Variants in SLC35D1 observed in about 807,000 individuals in gnomAD.
SLC35D1 encodes the protein solute carrier family 35 member D1, also known as nucleotide sugar transporter SLC35D1.
A neutral mutation model predicts 46.7 loss-of-function variants in SLC35D1; 31 were observed. The observed-to-expected ratio is 0.66, with a 90% CI of 0.50 to 0.90. The LOEUF is 0.90. SLC35D1 is among the 40% of genes least tolerant of loss of function. The probability of loss-of-function intolerance (pLI) is 0.00; values close to 1 mark genes in which losing one functional copy is unlikely to be tolerated. For missense variants in SLC35D1, 397 were observed against 426.2 expected, an observed-to-expected ratio of 0.93 and a Z score of 0.60; for synonymous variants, 195 against 164.6, an observed-to-expected ratio of 1.18 and a Z score of -1.41.
chr1:66,974,738 C>G, the SLC35D1 span, among the ~76,000 whole-genome samples: 14 of 152,052 alleles, frequency 9.2e-5, no homozygotes, highest in Non-Finnish European at 1.9e-4. Flanking sequence ...CTAAATTACT[C>G]TAGTGCACAA....
intron 4 of SLC35D1, 24 bp from the exon 5 acceptor site, chr1:67,050,528 G>A (rs1645297816): frequency 6.3e-7 from 1 of 1,580,100 alleles, no homozygotes; most frequent in East Asian, 2.2e-5. Context: ...AGATAATTAG[G>A]TAAAATAGAA....
intron 7 of SLC35D1, among the ~76,000 whole-genome samples, chr1:67,044,880 A>G (rs1645234910): frequency 6.6e-6 from 1 of 152,174 alleles, no homozygotes; most frequent in South Asian, 2.1e-4. Context: ...CTCTACTTCT[A>G]AAAACAAAAG....
chr1:67,021,483 C>G (rs2102280987), intron 9 of SLC35D1, 52 bp downstream of exon 9: 1 of 1,585,304 alleles, frequency 6.3e-7, no homozygotes, highest in South Asian at 1.1e-5. Flanking sequence ...GCAAATTTCT[C>G]TAACCTATTT....
chr1:67,052,159 G>A (rs774172587), intron 3 of SLC35D1, 80 bp from the exon 4 acceptor site: 1 of 1,039,572 alleles, frequency 9.6e-7, no homozygotes, highest in Non-Finnish European at 1.5e-6. Flanking sequence ...AAACAATTTT[G>A]TTTATATGAT....
At chr1:67,006,664 T>TA (rs199836951) in intron 11 of SLC35D1, among the ~76,000 whole-genome samples, 2,218 of 141,582 alleles carry the variant, frequency 0.016, 53 homozygotes, top group African/African-American at 0.057. Context: ...TTCCAGACCC[T>TA]ATATTCCCAG....
At chr1:66,982,018 C>A in the SLC35D1 span, 1 of 1,232,640 alleles carries the variant, frequency 8.1e-7, no homozygotes, top group Non-Finnish European at 1.2e-6. Flanking sequence ...ACTTCCAGAG[C>A]AGAAAGTAAA....
intron 8 of SLC35D1, among the ~76,000 whole-genome samples, chr1:67,039,565 A>C (rs1668199705): frequency 6.7e-6 from 1 of 150,166 alleles, no homozygotes; most frequent in South Asian, 2.1e-4. Flanking sequence ...TTTTACCCAA[A>C]AGGTAGGATA....
At chr1:67,048,648 GA>G (rs1645275660) in intron 6 of SLC35D1, among the ~76,000 whole-genome samples, 1 of 152,116 alleles carries the variant, frequency 6.6e-6, no homozygotes, top group Admixed American at 6.5e-5. Context: ...AAGTACACTG[GA>G]ACTCCTGGAT....
In SLC35D1 at chr1:67,054,047, C is replaced by T. The variant is rs368830788; in HGVS notation, c.-34G>A. The T allele has an allele frequency of 1.9e-6, 3 of 1,603,018 alleles. No homozygotes were observed. Among genetic ancestry groups the T allele is most frequent in the Non-Finnish European group, 2.6e-6 (3 of 1,174,394 alleles). ...CAGCAGCGGTGGCCTGGCGGCGGGG[C>T]CTAGCGGCTCGGGGGCCTGCAGCGG... On this transcript the variant is annotated 5_prime_UTR_variant, in exon 1 of 12. Coordinates refer to ENST00000235345, the MANE Select transcript of SLC35D1 (RefSeq NM_015139.3).
chr1:66,990,694 G>T, the SLC35D1 span, among the ~76,000 whole-genome samples: 3 of 152,174 alleles, frequency 2.0e-5, no homozygotes, highest in South Asian at 6.2e-4. Context: ...CTATTTTCGT[G>T]TATATGTATA....
chr1:67,016,329 A>G (rs546687829), intron 10 of SLC35D1, among the ~76,000 whole-genome samples: 1 of 152,264 alleles, frequency 6.6e-6, no homozygotes, highest in South Asian at 2.1e-4. Context: ...CTCGAAATGT[A>G]GTTTACAATC....
chr1:67,017,906 T>C (rs575006832), intron 10 of SLC35D1, among the ~76,000 whole-genome samples: 1 of 152,206 alleles, frequency 6.6e-6, no homozygotes, highest in Non-Finnish European at 1.5e-5. Flanking sequence ...TTTCACTTCT[T>C]TGTCTATCTC....
chr1:67,043,274 G>A (rs940043636), intron 7 of SLC35D1, among the ~76,000 whole-genome samples: 19 of 152,122 alleles, frequency 1.2e-4, no homozygotes, highest in African/African-American at 4.6e-4. Flanking sequence ...GCTGATGTGG[G>A]TGGAACTCTT....
intron 10 of SLC35D1, among the ~76,000 whole-genome samples, chr1:67,019,053 T>C (rs774290733): frequency 3.1e-4 from 47 of 152,144 alleles, no homozygotes; most frequent in Non-Finnish European, 6.0e-4. Context: ...GAAACATATA[T>C]CAAAAGGAAA....
chr1:66,985,835 TTTA>T, the SLC35D1 span: 26,734 of 713,324 alleles, frequency 0.037, 177 homozygotes, highest in South Asian at 0.05. Flanking sequence ...TTTTTTTTTT[TTTA>T]AATTTCTACT....
intron 3 of SLC35D1, among the ~76,000 whole-genome samples, chr1:67,052,433 CA>C (rs2102377951): frequency 6.6e-6 from 1 of 152,160 alleles, no homozygotes; most frequent in South Asian, 2.1e-4. Context: ...TGGAGTCAAG[CA>C]GAGGCAGACA....
At chr1:67,046,755 A>G (rs530428816) in intron 7 of SLC35D1, among the ~76,000 whole-genome samples, 1 of 152,356 alleles carries the variant, frequency 6.6e-6, no homozygotes, top group East Asian at 1.9e-4. Flanking sequence ...AAACAAATAA[A>G]CAATATCTGG....
intron 11 of SLC35D1, among the ~76,000 whole-genome samples, chr1:67,005,019 G>A (rs1461561060): frequency 1.6e-4 from 24 of 152,032 alleles, no homozygotes; most frequent in Admixed American, 1.6e-3. Context: ...CTTATCCATC[G>A]CACCTACCAC....
At chr1:67,042,367 G>T in intron 7 of SLC35D1, 39 bp from the exon 8 acceptor site, 3 of 1,559,872 alleles carry the variant, frequency 1.9e-6, no homozygotes, top group Non-Finnish European at 2.7e-6. Context: ...TCTGCGTTTT[G>T]TTCTAGCAGA....
Sources: gnomAD v4.1 joint callset for allele counts (sites outside exome capture counted in the v4.1 genomes callset) on GRCh38, gnomAD v4.1.1 for gene constraint, MANE v1.5 for transcripts, NCBI Gene and HGNC (gene_info 2026-07-23, HGNC 2026-07-21) for gene names.